SND1: variants seen among roughly 807,000 people sequenced by gnomAD.
SND1 encodes the protein staphylococcal nuclease domain-containing protein 1.
Under a neutral mutation model 121.7 loss-of-function variants are expected in SND1, and 38 were observed. The observed-to-expected ratio is 0.31, with a 90% CI of 0.24 to 0.41. The LOEUF (loss-of-function observed/expected upper bound fraction) is 0.41. SND1 is among the 10% of genes least tolerant of loss of function. The pLI is 1.00. For missense variants in SND1, 868 were observed against 1,184.6 expected (o/e 0.73, Z 3.92); for synonymous variants, 401 against 447.4 (o/e 0.90, Z 1.31).
intron 16 of SND1, among the ~76,000 whole-genome samples, chr7:127,994,794 C>T (rs1451568968): frequency 6.6e-6 from 1 of 152,170 alleles, no homozygotes; most frequent in Non-Finnish European, 1.5e-5. Context: ...TCACTGCAAC[C>T]TCTGCCTTCT....
intron 1 of SND1, among the ~76,000 whole-genome samples, chr7:127,659,953 C>T (rs753803645): frequency 2.6e-5 from 4 of 151,512 alleles, no homozygotes; most frequent in Non-Finnish European, 4.4e-5. Flanking sequence ...CATACCTTAA[C>T]GGCTTGACTT....
intron 12 of SND1, among the ~76,000 whole-genome samples, chr7:127,878,448 G>T (rs1181392204): frequency 6.6e-6 from 1 of 152,170 alleles, no homozygotes; most frequent in African/African-American, 2.4e-5. Flanking sequence ...AGCTGTGCTG[G>T]TGGGTTGTCA....
intron 10 of SND1, among the ~76,000 whole-genome samples, chr7:127,789,859 G>C (rs1372330084): frequency 6.6e-6 from 1 of 152,226 alleles, no homozygotes; most frequent in Non-Finnish European, 1.5e-5. Flanking sequence ...AAAGAGGAGT[G>C]TCCTCAAAAG....
rs184887071 is a variant in SND1, at chr7:127,897,827, T to G, written c.1455-6920T>G. 2.9e-3 allele frequency among the ~76,000 whole-genome samples: 438 copies of G among 152,294 alleles called. 2 individuals are homozygous for G. The highest frequency in any genetic ancestry group is 1.0e-2 in the African/African-American group (414 of 41,574). ...CTGTGCACCTATTAAAAGTGGTACTTAAACGGTGTTTTTTTTCTTGAAATA... is the reference window on the plus strand; with the variant it reads ...CTGTGCACCTATTAAAAGTGGTACTGAAACGGTGTTTTTTTTCTTGAAATA... On this transcript the variant is annotated intron_variant, in intron 13 of 23. Coordinates refer to ENST00000354725, the MANE Select transcript of SND1 (RefSeq NM_014390.4).
intron 10 of SND1, among the ~76,000 whole-genome samples, chr7:127,727,684 T>G (rs1052523359): frequency 6.6e-6 from 1 of 152,096 alleles, no homozygotes; most frequent in African/African-American, 2.4e-5. Flanking sequence ...ATTTCACCAG[T>G]CTCCAATGGA....
intron 9 of SND1, among the ~76,000 whole-genome samples, chr7:127,708,227 A>G (rs113873992): frequency 6.6e-6 from 1 of 152,008 alleles, no homozygotes; most frequent in Non-Finnish European, 1.5e-5. Flanking sequence ...AGGCCAAGCT[A>G]TGATGTTTGG....
chr7:128,053,361 A>G (rs1399416511), intron 16 of SND1, among the ~76,000 whole-genome samples: 1 of 152,146 alleles, frequency 6.6e-6, no homozygotes, highest in Non-Finnish European at 1.5e-5. Context: ...GGCTTTGGGC[A>G]CTTAAGTGGA....
At chr7:128,070,573 A>G (rs1205838270) in intron 16 of SND1, among the ~76,000 whole-genome samples, 4 of 152,348 alleles carry the variant, frequency 2.6e-5, no homozygotes, top group African/African-American at 9.6e-5. Flanking sequence ...ATGTTATAGC[A>G]GTTTGCAAAT....
chr7:127,995,914 G>T (rs1327903991), intron 16 of SND1, among the ~76,000 whole-genome samples: 2 of 152,132 alleles, frequency 1.3e-5, no homozygotes, highest in African/African-American at 4.8e-5. Flanking sequence ...CTTTTTCGAT[G>T]ACCCCTTTGT....
intron 1 of SND1, among the ~76,000 whole-genome samples, chr7:127,683,021 A>C (rs931279732): frequency 1.3e-5 from 2 of 152,186 alleles, no homozygotes; most frequent in Non-Finnish European, 2.9e-5. Flanking sequence ...AGACATTTAA[A>C]GTATTTTTCC....
intron 14 of SND1, among the ~76,000 whole-genome samples, chr7:127,920,662 C>T (rs974646207): frequency 2.6e-4 from 39 of 152,118 alleles, no homozygotes; most frequent in African/African-American, 9.4e-4. Flanking sequence ...GTTGGCAGCC[C>T]TCATCACCTG....
intron 16 of SND1, among the ~76,000 whole-genome samples, chr7:128,072,738 G>A (rs1793433732): frequency 6.6e-6 from 1 of 152,110 alleles, no homozygotes. Context: ...CCCACTGGAG[G>A]AGGCGCTCAG....
intron 16 of SND1, among the ~76,000 whole-genome samples, chr7:128,033,759 A>G (rs763023209): frequency 2.6e-5 from 4 of 152,208 alleles, no homozygotes; most frequent in East Asian, 1.9e-4. Flanking sequence ...ATATGAGTCA[A>G]ACGTTGCCTA....
At chr7:127,814,692 A>G (rs1798397772) in intron 11 of SND1, among the ~76,000 whole-genome samples, 1 of 152,124 alleles carries the variant, frequency 6.6e-6, no homozygotes, top group Non-Finnish European at 1.5e-5. Context: ...ATTGGAAAGC[A>G]CCAACATTCC....
At chr7:128,086,071 G>T (rs1415284613) in intron 20 of SND1, among the ~76,000 whole-genome samples, 1 of 152,190 alleles carries the variant, frequency 6.6e-6, no homozygotes, top group East Asian at 1.9e-4. Context: ...TGGGGGCAGG[G>T]CCTCTGTAGC....
chr7:128,020,574 A>T (rs770335041), intron 16 of SND1, among the ~76,000 whole-genome samples: 6 of 152,220 alleles, frequency 3.9e-5, no homozygotes, highest in Non-Finnish European at 7.3e-5. Context: ...TGCCCTCTCC[A>T]TATCCCGGAA....
chr7:127,988,080 G>C (rs1014931601), intron 15 of SND1, among the ~76,000 whole-genome samples: 3 of 152,164 alleles, frequency 2.0e-5, no homozygotes, highest in African/African-American at 7.2e-5. Flanking sequence ...TACTTCCATT[G>C]GTTGTCTACA....
chr7:127,858,081 G>A, intron 12 of SND1: 4 of 1,021,472 alleles, frequency 3.9e-6, no homozygotes, highest in African/African-American at 1.6e-5. Flanking sequence ...TCTGGGTAGG[G>A]GTTGGGGTCT....
intron 10 of SND1, among the ~76,000 whole-genome samples, chr7:127,733,883 T>A (rs181643625): frequency 1.3e-5 from 2 of 152,210 alleles, no homozygotes; most frequent in Admixed American, 1.3e-4. Flanking sequence ...CATGGTGAAA[T>A]CTAGTTGAGC....
Sources: allele counts gnomAD v4.1 joint callset (sites outside exome capture counted in the v4.1 genomes callset), GRCh38; gene constraint gnomAD v4.1.1; transcripts MANE v1.5; gene names NCBI Gene and HGNC (gene_info 2026-07-23, HGNC 2026-07-21).